Variants in CHD8 observed in about 807,000 individuals in gnomAD.
CHD8 encodes the protein chromodomain helicase DNA binding protein 8.
In CHD8, 31 loss-of-function variants were observed where a neutral mutation model predicts 279.2. The observed-to-expected ratio is 0.11, with a 90% CI of 0.08 to 0.15. The LOEUF (loss-of-function observed/expected upper bound fraction) is 0.15. CHD8 is among the 10% of genes least tolerant of loss of function. The pLI, the probability that CHD8 is intolerant of heterozygous loss-of-function variation, is 1.00. For missense variants in CHD8, 2,146 were observed against 3,230.5 expected (o/e 0.66, Z 8.14); for synonymous variants, 1,081 against 1,139.6 (o/e 0.95, Z 1.04).
intron 10 of CHD8, among the ~76,000 whole-genome samples, chr14:21,412,436 G>A (rs1326774850): frequency 2.0e-5 from 3 of 152,104 alleles, no homozygotes; most frequent in African/African-American, 4.8e-5. Context: ...GGGCCACCGC[G>A]CCTGGCCAGC....
At chr14:21,443,855 C>CAAA (rs369671712) in intron 1 of CHD8, among the ~76,000 whole-genome samples, 336 of 43,398 alleles carry the variant, frequency 7.7e-3, no homozygotes, top group African/African-American at 9.9e-3. Flanking sequence ...GACTCCGTCT[C>CAAA]AAAAAAAAAA....
At chr14:21,423,734 A>G (rs1889161978) in intron 5 of CHD8, among the ~76,000 whole-genome samples, 1 of 152,164 alleles carries the variant, frequency 6.6e-6, no homozygotes, top group South Asian at 2.1e-4. Flanking sequence ...ATTCATCCAC[A>G]GCATATGTAT....
chr14:21,430,411 TATAAAG>T (rs958186637), intron 2 of CHD8: 21 of 169,948 alleles, frequency 1.2e-4, no homozygotes, highest in Admixed American at 1.1e-3. Flanking sequence ...GTCTTGCAAA[TATAAAG>T]ATAATTCTTC....
intron 36 of CHD8, 71 bp from the exon 37 acceptor site, chr14:21,391,134 G>A: frequency 2.0e-6 from 2 of 1,014,846 alleles, no homozygotes. Context: ...AAGTACTAGT[G>A]TCTTTTGTTT....
chr14:21,429,699 A>G, intron 2 of CHD8: 2 of 367,924 alleles, frequency 5.4e-6, no homozygotes, highest in Non-Finnish European at 1.1e-5. Flanking sequence ...TAGTGCAGAC[A>G]CCTGATTGGC....
intron 37 of CHD8, among the ~76,000 whole-genome samples, chr14:21,387,809 CAAAAAAAAAA>C (rs34063784): frequency 1.3e-5 from 1 of 76,170 alleles, no homozygotes; most frequent in Admixed American, 1.5e-4. Context: ...CTGTCTCAAG[CAAAAAAAAAA>C]AAAAAAAAAA....
At chr14:21,397,619 G>A (rs542754924) in intron 27 of CHD8, 6 of 531,372 alleles carry the variant, frequency 1.1e-5, no homozygotes, top group East Asian at 3.3e-5. Flanking sequence ...ATTTACAAGT[G>A]ACATTCATTT....
In CHD8 at chr14:21,387,408, G is replaced by A. The variant is rs149357718; in HGVS notation, c.7183-1232C>T. ...GCACTTTGGGAGGCTGAGGGCAGGC[G>A]GATCACCTGAGGTTGGGAGTTCGAG... On this transcript the variant is annotated intron_variant, in intron 37 of 37. Coordinates refer to ENST00000646647, the MANE Select transcript of CHD8 (RefSeq NM_001170629.2). Among the ~76,000 whole-genome samples, 1,046 of 152,134 alleles carry A rather than the reference G, an allele frequency of 6.9e-3. 12 individuals are homozygous for A. Among genetic ancestry groups the A allele is most frequent in the African/African-American group, 0.023 (974 of 41,506 alleles).
At position 21,394,301 on chromosome 14, in the gene CHD8, G is replaced by A. The variant is rs367956298; in HGVS notation, c.5575C>T (p.Arg1859Cys). 3.7e-6 allele frequency: 6 copies of A among 1,613,922 alleles called. No homozygotes were observed. Among genetic ancestry groups the A allele is most frequent in the South Asian group, 1.1e-5 (1 of 91,070 alleles). The change falls in exon 31 of 38, where the codon CGC becomes TGC. Residue 1859 changes from arginine to cysteine, a missense_variant. By Grantham distance (180) the Arg-to-Cys change is radical. Around this residue, in one of 26 missense-constraint regions of CHD8, gnomAD observed 513 missense variants for 637.6 expected, o/e 0.80. Coordinates refer to ENST00000646647, the MANE Select transcript of CHD8 (RefSeq NM_001170629.2). ...GFVAMCRQVC[R>C]LPPAAGDEPP... ...CCATCTCCAGCTGCTGGGGGAAGGC[G>A]GCATACTTGGCGGCACATGGCCACA...
chr14:21,433,983 G>A (rs562171939), intron 1 of CHD8, among the ~76,000 whole-genome samples: 12 of 150,388 alleles, frequency 8.0e-5, no homozygotes, highest in South Asian at 2.1e-4. Context: ...TCTACTCACC[G>A]TCAGAAGTTA....
intron 5 of CHD8, among the ~76,000 whole-genome samples, chr14:21,419,086 T>A (rs1485558815): frequency 6.6e-6 from 1 of 152,232 alleles, no homozygotes; most frequent in African/African-American, 2.4e-5. Flanking sequence ...TGGGAGGATA[T>A]ATAAACTAAA....
At chr14:21,410,102 G>T in intron 10 of CHD8, 114 bp from the exon 11 acceptor site, 2 of 1,035,480 alleles carry the variant, frequency 1.9e-6, no homozygotes, top group Non-Finnish European at 2.7e-6. Flanking sequence ...CCTAGAAGCC[G>T]TTGAAAAAGT....
At chr14:21,416,108 TATGAAAGGCCAAGA>T in intron 5 of CHD8, 1 of 455,698 alleles carries the variant, frequency 2.2e-6, no homozygotes, top group Non-Finnish European at 3.8e-6. Context: ...TTAACTGCTT[TATGAAAGGCCAAGA>T]ATCCACTGAG....
chr14:21,443,855 CAAA>C (rs369671712), intron 1 of CHD8, among the ~76,000 whole-genome samples: 5 of 47,222 alleles, frequency 1.1e-4, no homozygotes, highest in Admixed American at 2.2e-4. Flanking sequence ...GACTCCGTCT[CAAA>C]AAAAAAAAAA....
At chr14:21,437,766 G>C (rs1056055052) in intron 1 of CHD8, among the ~76,000 whole-genome samples, 22 of 152,058 alleles carry the variant, frequency 1.4e-4, no homozygotes, top group African/African-American at 5.3e-4. Flanking sequence ...CACTCTTTCT[G>C]CCACAACACA....
chr14:21,386,919 TATCCTCTA>T (rs1255797736), intron 37 of CHD8, among the ~76,000 whole-genome samples: 1 of 151,920 alleles, frequency 6.6e-6, no homozygotes, highest in Non-Finnish European at 1.5e-5. Context: ...TTTACAATAA[TATCCTCTA>T]TTAGCACATC....
Position 21,406,552 on chromosome 14 carries a change from TGAGCTAGAA to T in CHD8, c.2907+295_2907+303del, listed in dbSNP as rs1449730965. Among the ~76,000 whole-genome samples, 14 of 152,336 alleles carry T rather than the reference TGAGCTAGAA, an allele frequency of 9.2e-5. No individual in the cohort carries two copies. The East Asian group carries it at 2.7e-3, about 29-fold the overall frequency. On this transcript the variant is annotated intron_variant, in intron 14 of 37. Transcript: ENST00000646647. ...ACTAGCTGAACTCAGCCTAAGTGGT[TGAGCTAGAA>T]GATCATGAAAAATATAGTTGTTGTA...
intron 1 of CHD8, among the ~76,000 whole-genome samples, chr14:21,449,824 C>T (rs1182322084): frequency 6.6e-6 from 1 of 152,224 alleles, no homozygotes; most frequent in East Asian, 1.9e-4. Context: ...GCTTACTTAG[C>T]TTTTGACTCC....
Position 21,430,812 on chromosome 14 carries a change from T to C in CHD8, c.832A>G (p.Thr278Ala). 1 of 1,595,778 alleles carries C rather than the reference T, an allele frequency of 6.3e-7. No individual in the cohort carries two copies. The highest frequency in any genetic ancestry group is 1.1e-5 in the South Asian group (1 of 90,936). ...TTCACTCAAGTCACCTGGGTAGGTG[T>C]AGAGGTCAGTGTAACTGCAGGCTTC... ...PLKPAVTLTS[T>A]PTQGESKRIT... is the part of the protein sequence containing the mutation. The change falls in exon 2 of 38, where the codon ACA (threonine) becomes GCA (alanine). Residue 278 changes from threonine (T) to alanine (A), a missense_variant. This residue lies in a region of CHD8 where 9 missense variants were observed against 31.7 expected (regional missense o/e 0.28). Transcript: ENST00000646647.
Sources: allele counts gnomAD v4.1 joint callset (sites outside exome capture counted in the v4.1 genomes callset), GRCh38; gene constraint gnomAD v4.1.1; regional missense constraint gnomAD v4.1.1; transcripts MANE v1.5; gene names NCBI Gene and HGNC (gene_info 2026-07-23, HGNC 2026-07-21).